EXOC7: variants seen among roughly 807,000 people sequenced by gnomAD.
EXOC7 encodes the protein exocyst complex component 7, also known as exocyst complex component Exo70.
A neutral mutation model predicts 87.6 loss-of-function variants in EXOC7; 51 were observed. The ratio of observed to expected loss-of-function variants is 0.58; its 90% CI spans 0.46 to 0.73. The LOEUF (loss-of-function observed/expected upper bound fraction) is 0.73, where lower values mean the gene tolerates loss of function less well. EXOC7 is among the 30% of genes least tolerant of loss of function. The probability of loss-of-function intolerance (pLI) is 0.00; values close to 1 mark genes in which losing one functional copy is unlikely to be tolerated. For missense variants in EXOC7, 744 were observed against 888.4 expected (o/e 0.84, Z 2.07); for synonymous variants, 327 against 357.1 (o/e 0.92, Z 0.95).
chr17:76,084,641 T>C lies in EXOC7; in HGVS notation c.1713-61A>G, dbSNP rs143603954. 2.5e-4 allele frequency: 370 copies of C among 1,489,728 alleles called. No homozygotes were observed. In the Middle Eastern group the frequency reaches 2.7e-3, roughly 11 times the overall value. The allele number at this position is 1,489,728 out of a possible 1,614,324, so 92.3% of individuals were successfully genotyped here. A position where few individuals can be genotyped will look rare whatever the true frequency, so the allele number is the denominator to read the frequency against. On this transcript the variant is annotated intron_variant, in intron 15 of 18. Transcript: ENST00000589210. ...TGGCCTGCCTCAGTGGCCTGGCTTGTTTCGTTTGCTAAATCTCTGGATCTA... is the reference window on the plus strand; with the variant it reads ...TGGCCTGCCTCAGTGGCCTGGCTTGCTTCGTTTGCTAAATCTCTGGATCTA...
chr17:76,090,833 G>C (rs931437248), intron 7 of EXOC7: 6 of 526,102 alleles, frequency 1.1e-5, no homozygotes, highest in African/African-American at 7.6e-5. Context: ...CTGCTGGTCT[G>C]AGCGTGAAAG....
rs896184115 is a variant in EXOC7 at position 76,086,772 on chromosome 17, G to C, written c.1430-627C>G. On this transcript the variant is annotated intron_variant, in intron 12 of 18. Transcript: ENST00000589210. ...CCCCTCTGACTCAGGCTCCCCAGTAGGTACTGAGAGTCAGTCCCCAGGGAA... is the reference window on the plus strand; with the variant it reads ...CCCCTCTGACTCAGGCTCCCCAGTACGTACTGAGAGTCAGTCCCCAGGGAA... 3 of 1,277,124 alleles carry C rather than the reference G, an allele frequency of 2.3e-6. No individual in the cohort carries two copies. The African/African-American group carries it at 4.5e-5, about 19-fold the overall frequency. 79.1% of individuals were successfully genotyped at this position (1,277,124 alleles called of 1,614,324 possible).
At chr17:76,087,579 T>C (rs770337575) in intron 12 of EXOC7, 75 bp downstream of exon 12, 1 of 1,430,954 alleles carries the variant, frequency 7.0e-7, no homozygotes, top group South Asian at 1.2e-5. Context: ...TCCTCACTGC[T>C]ACCTGCCCTC....
At chr17:76,094,830 C>T (rs971795593) in intron 5 of EXOC7, among the ~76,000 whole-genome samples, 1 of 151,890 alleles carries the variant, frequency 6.6e-6, no homozygotes. Context: ...ACTGCAGGCT[C>T]GACCTCCTGG....
Position 76,087,703 on chromosome 17 carries a change from C to T in EXOC7, c.1380G>A (p.Gln460=). The T allele has an allele frequency of 6.4e-7, 1 of 1,551,414 alleles. No individual in the cohort carries two copies. Among genetic ancestry groups the T allele is most frequent in the Non-Finnish European group, 8.7e-7 (1 of 1,147,010 alleles). ...ELTSNAILFL[Q]QLLDFQETAG... is the part of the protein sequence containing the mutation. ...CCGTCTCCTGGAAGTCCAAAAGCTG[C>T]TGCAGGAAGAGGATGGCCTGGGTGG... The change falls in exon 12 of 19, where the codon CAG becomes CAA. Residue 460 remains glutamine, a synonymous_variant. Coordinates refer to ENST00000589210, the MANE Select transcript of EXOC7 (RefSeq NM_001013839.4).
chr17:76,090,144 A>G (rs572253526), intron 7 of EXOC7, among the ~76,000 whole-genome samples: 38 of 152,160 alleles, frequency 2.5e-4, no homozygotes, highest in Non-Finnish European at 4.9e-4. Context: ...ACAGGCACGC[A>G]CTCCCATCTG....
intron 4 of EXOC7, among the ~76,000 whole-genome samples, chr17:76,098,251 C>G (rs2067879128): frequency 6.6e-6 from 1 of 152,100 alleles, no homozygotes; most frequent in South Asian, 2.1e-4. Context: ...ATTCTCCTGC[C>G]TCAGCCTCCT....
chr17:76,101,892 G>A (rs575016812), intron 2 of EXOC7, 29 bp from the exon 3 acceptor site: 1 of 1,587,018 alleles, frequency 6.3e-7, no homozygotes, highest in Admixed American at 1.7e-5. Flanking sequence ...TTGATCTTGG[G>A]ACTCACAGTG....
At chr17:76,090,509 TG>T in intron 7 of EXOC7, 1 of 1,546,154 alleles carries the variant, frequency 6.5e-7, no homozygotes. Flanking sequence ...GGACGTCAGA[TG>T]GGGATGGGGA....
intron 6 of EXOC7, chr17:76,093,319 G>C (rs2067587285): frequency 6.6e-6 from 1 of 152,626 alleles, no homozygotes; most frequent in Non-Finnish European, 1.5e-5. Context: ...ACACTGGAGG[G>C]AGAAGGCCCC....
intron 7 of EXOC7, chr17:76,090,703 A>AG (rs1021801825): frequency 3.4e-6 from 2 of 581,308 alleles, no homozygotes; most frequent in Non-Finnish European, 6.1e-6. Flanking sequence ...GCTTGGCCCC[A>AG]GGGGGGTTCC....
At chr17:76,084,673 G>A in intron 15 of EXOC7, 93 bp from the exon 16 acceptor site, 2 of 1,146,212 alleles carry the variant, frequency 1.7e-6, no homozygotes, top group Middle Eastern at 2.0e-4. Context: ...TCTACTTGGT[G>A]GGTGGTGGTA....
chr17:76,091,054 G>A (rs1006689781), intron 7 of EXOC7, 89 bp downstream of exon 7: 17 of 1,178,652 alleles, frequency 1.4e-5, no homozygotes, highest in East Asian at 2.3e-5. Context: ...GGTTTCTCCC[G>A]AGGCCCTCCT....
At chr17:76,093,115 CAG>C (rs1198435996) in intron 6 of EXOC7, 1 of 152,606 alleles carries the variant, frequency 6.6e-6, no homozygotes, top group Non-Finnish European at 1.5e-5. Flanking sequence ...GGGGACCTGT[CAG>C]GGAGCCAGGC....
intron 4 of EXOC7, chr17:76,100,886 T>A (rs1056588595): frequency 1.3e-5 from 2 of 152,572 alleles, no homozygotes; most frequent in Non-Finnish European, 2.9e-5. Context: ...GAGGCTGAGG[T>A]GGGAGAATCA....
At chr17:76,085,043 G>T (rs73996114) in intron 15 of EXOC7, 1 of 517,520 alleles carries the variant, frequency 1.9e-6, no homozygotes, top group East Asian at 3.3e-5. Flanking sequence ...CATTACCCAC[G>T]TCTCTGAGAG....
rs1209050744 is a variant in EXOC7, at chr17:76,081,765, G to A, written c.*1883C>T. Reference sequence around the variant, plus strand: ...TGCAACCCACTGCTCAGTAAGCCCTGCTCCCTTACCCAGTCTGCCCTGTTT... The same window carrying A: ...TGCAACCCACTGCTCAGTAAGCCCTACTCCCTTACCCAGTCTGCCCTGTTT... On this transcript the variant is annotated 3_prime_UTR_variant, in exon 19 of 19. Transcript: ENST00000589210. 3.7e-6 allele frequency: 6 copies of A among 1,613,970 alleles called. No homozygotes were observed. Among genetic ancestry groups the A allele is most frequent in the Non-Finnish European group, 5.1e-6 (6 of 1,179,976 alleles).
rs769568511 is a variant in EXOC7, at chr17:76,101,163, T to A, written c.417+108A>T. On this transcript the variant is annotated intron_variant, in intron 4 of 18. Coordinates refer to ENST00000589210, the MANE Select transcript of EXOC7 (RefSeq NM_001013839.4). ...TATAGGATGTACTGTGCTATATCCT[T>A]CTGTGTATTCTACTGCATACATCCT... 10 of 1,587,900 alleles carry A rather than the reference T, an allele frequency of 6.3e-6. No homozygotes were observed. In the East Asian group the frequency reaches 2.2e-4, roughly 36 times the overall value.
chr17:76,093,517 T>G (rs1449626108), intron 6 of EXOC7: 1 of 152,842 alleles, frequency 6.5e-6, no homozygotes, highest in East Asian at 1.9e-4. Context: ...CAAAGCTTGT[T>G]GTCATAAGCA....
Sources: gnomAD v4.1 joint callset for allele counts (sites outside exome capture counted in the v4.1 genomes callset) on GRCh38, gnomAD v4.1.1 for gene constraint, MANE v1.5 for transcripts, NCBI Gene and HGNC (gene_info 2026-07-23, HGNC 2026-07-21) for gene names.